The following MYO9A variants were observed in gnomAD, a reference collection of about 807,000 sequenced individuals.
MYO9A encodes the protein unconventional myosin-IXa.
MYO9A carries 103 observed loss-of-function variants against 293.3 expected under a neutral mutation model. That is an observed-to-expected ratio of 0.35 (90% CI 0.30 to 0.41). The LOEUF (loss-of-function observed/expected upper bound fraction) is 0.41. Among genes scored for constraint, MYO9A ranks in the 10% least tolerant of loss-of-function variants. The probability of loss-of-function intolerance (pLI) is 1.00; values close to 1 mark genes in which losing one functional copy is unlikely to be tolerated. For synonymous variants in MYO9A, 1,001 were observed against 1,035.7 expected, an observed-to-expected ratio of 0.97 and a Z score of 0.64; for missense variants, 2,685 against 3,033.0, an observed-to-expected ratio of 0.89 and a Z score of 2.69.
intron 1 of MYO9A, among the ~76,000 whole-genome samples, chr15:72,096,816 T>C (rs1488807295): frequency 6.6e-6 from 1 of 152,228 alleles, no homozygotes; most frequent in Non-Finnish European, 1.5e-5. Flanking sequence ...TGGAAGAGGT[T>C]GTTCCCAAGC....
intron 6 of MYO9A, among the ~76,000 whole-genome samples, chr15:72,017,363 T>A (rs968420328): frequency 6.6e-5 from 10 of 152,260 alleles, no homozygotes; most frequent in African/African-American, 2.4e-4. Flanking sequence ...AGCAGATCAG[T>A]TCACAACTTC....
intron 3 of MYO9A, among the ~76,000 whole-genome samples, chr15:72,028,340 C>A: frequency 6.7e-6 from 1 of 149,092 alleles, no homozygotes. Context: ...TTCACTAAAG[C>A]AAAATAAAAT....
intron 2 of MYO9A, among the ~76,000 whole-genome samples, chr15:72,038,398 T>G (rs2078123408): frequency 1.3e-5 from 2 of 152,212 alleles, no homozygotes; most frequent in Admixed American, 6.5e-5. Context: ...GACCATGTTC[T>G]GGGCCACAAG....
In MYO9A at chr15:72,008,849, A is replaced by T. The variant is rs559562570; in HGVS notation, c.1254-897T>A. Among the ~76,000 whole-genome samples, 11 of 152,302 alleles carry T rather than the reference A, an allele frequency of 7.2e-5. No individual in the cohort carries two copies. The South Asian group carries it at 1.7e-3, about 23-fold the overall frequency. On this transcript the variant is annotated intron_variant, in intron 7 of 41. Coordinates refer to ENST00000356056, the MANE Select transcript of MYO9A (RefSeq NM_006901.4). ...TGTCACATGCAGTTATTTTCTTAGA[A>T]TAAATACGGCTTACAAAATTTGGCT...
intron 1 of MYO9A, among the ~76,000 whole-genome samples, chr15:72,058,140 A>C (rs999747263): frequency 2.0e-5 from 3 of 152,238 alleles, no homozygotes; most frequent in African/African-American, 7.2e-5. Context: ...GTACCCCCTG[A>C]CATTCAAATT....
chr15:71,916,362 G>A lies in MYO9A; in HGVS notation c.2685+8C>T. 6.2e-7 allele frequency: 1 copy of A among 1,604,904 alleles called. No individual in the cohort carries two copies. Among genetic ancestry groups the A allele is most frequent in the Non-Finnish European group, 8.5e-7 (1 of 1,177,696 alleles). On this transcript the variant is annotated splice_region_variant and intron_variant, in intron 19 of 41. Transcript: ENST00000356056. The stretch of plus-strand genomic sequence containing the variant: ...TTCTTATTTGTTTTAAGCGAAACAA[G>A]AAATAACCTGAAACTGGGCACTGAT...
chr15:71,991,292 A>G, intron 10 of MYO9A, 55 bp from the exon 11 acceptor site: 1 of 1,401,592 alleles, frequency 7.1e-7, no homozygotes, highest in Non-Finnish European at 9.8e-7. Context: ...TATTTAATGA[A>G]TAATATCCAC....
chr15:71,848,946 C>T lies in MYO9A; in HGVS notation c.6736G>A (p.Glu2246Lys), dbSNP rs2055509064. 1 of 1,604,062 alleles carries T rather than the reference C, an allele frequency of 6.2e-7. No homozygotes were observed. The highest frequency in any genetic ancestry group is 1.1e-5 in the South Asian group (1 of 88,600). ...CGAGCCTTGTATTTATTCATTTGTTCCACAACAATCAGTTCCACACAACTG... is the reference window on the plus strand; with the variant it reads ...CGAGCCTTGTATTTATTCATTTGTTTCACAACAATCAGTTCCACACAACTG... ...TTTCVELIVV[E>K]QMNKYKARLK... Residue 2246 changes from glutamate to lysine, a missense_variant, in exon 39 of 42, where the codon GAA becomes AAA. Glu to Lys is a moderately conservative substitution (Grantham distance 56, BLOSUM62 1). This residue lies in a region of MYO9A where 238 missense variants were observed against 269.1 expected (regional missense o/e 0.88). Transcript: ENST00000356056.
At chr15:72,013,507 C>T (rs763095929) in intron 6 of MYO9A, among the ~76,000 whole-genome samples, 2 of 152,202 alleles carry the variant, frequency 1.3e-5, no homozygotes, top group Non-Finnish European at 2.9e-5. Flanking sequence ...CAACCCCTTC[C>T]ACTGAAAGAA....
intron 32 of MYO9A, among the ~76,000 whole-genome samples, chr15:71,866,105 G>C (rs763566174): frequency 2.6e-5 from 4 of 152,114 alleles, no homozygotes; most frequent in Non-Finnish European, 5.9e-5. Context: ...TCACGTTGAT[G>C]GCAGTTTTAC....
At chr15:72,107,119 AGAAG>A (rs1384264595) in intron 1 of MYO9A, among the ~76,000 whole-genome samples, 1 of 152,226 alleles carries the variant, frequency 6.6e-6, no homozygotes. Flanking sequence ...TAGGGAGAAG[AGAAG>A]GAAGAAACCC....
At chr15:72,078,957 C>T (rs987733672) in intron 1 of MYO9A, among the ~76,000 whole-genome samples, 1 of 152,090 alleles carries the variant, frequency 6.6e-6, no homozygotes, top group African/African-American at 2.4e-5. Flanking sequence ...GGTTGAAAAG[C>T]GTTGTGGGAG....
intron 39 of MYO9A, among the ~76,000 whole-genome samples, chr15:71,843,117 A>C (rs2055235217): frequency 6.6e-6 from 1 of 151,984 alleles, no homozygotes; most frequent in African/African-American, 2.4e-5. Flanking sequence ...CAACTCTCCT[A>C]TCTCTTCTTC....
At chr15:72,100,149 G>A (rs931281564) in intron 1 of MYO9A, among the ~76,000 whole-genome samples, 2 of 152,010 alleles carry the variant, frequency 1.3e-5, no homozygotes, top group East Asian at 1.9e-4. Context: ...TTGGGGTGCC[G>A]AGGCGGGCGG....
chr15:71,956,458 G>A (rs2059195718), intron 14 of MYO9A, among the ~76,000 whole-genome samples: 1 of 146,280 alleles, frequency 6.8e-6, no homozygotes, highest in Non-Finnish European at 1.5e-5. Flanking sequence ...GGCCAACATA[G>A]TGAAACCTCG....
chr15:71,997,327 C>T (rs953935285), intron 9 of MYO9A, among the ~76,000 whole-genome samples: 12 of 152,084 alleles, frequency 7.9e-5, no homozygotes, highest in African/African-American at 2.7e-4. Context: ...AACAGCCGGG[C>T]GTGGTGGCTC....
intron 15 of MYO9A, among the ~76,000 whole-genome samples, chr15:71,942,499 A>AT (rs896559998): frequency 1.3e-4 from 19 of 151,992 alleles, no homozygotes; most frequent in Admixed American, 1.1e-3. Flanking sequence ...TACATCTGGA[A>AT]TTTTTTTCTG....
chr15:72,015,881 G>T (rs965675350), intron 6 of MYO9A, among the ~76,000 whole-genome samples: 1 of 151,692 alleles, frequency 6.6e-6, no homozygotes, highest in African/African-American at 2.4e-5. Context: ...GTAGAGACGG[G>T]GTTTCACCGT....
In MYO9A at chr15:71,875,814, TTTTC is replaced by T. The variant is rs1490650994; in HGVS notation, c.5952_5955del (p.Lys1985GlufsTer34). ...ACCAAATCAGTTTCCTTTTTCCTTC[TTTTC>T]TTTCTTTCTGTTTTTGGCACCTGAC... is the stretch of plus-strand genomic sequence containing the variant. On this transcript the variant is annotated frameshift_variant, in exon 32 of 42. Transcript: ENST00000356056. LOFTEE classifies it high-confidence loss of function. The T allele has an allele frequency of 4.4e-6, 6 of 1,369,548 alleles. No individual in the cohort carries two copies. Among genetic ancestry groups the T allele is most frequent in the South Asian group, 2.0e-5 (1 of 50,360 alleles). The allele number at this position is 1,369,548 out of a possible 1,614,324, so 84.8% of individuals were successfully genotyped here. A position where few individuals can be genotyped will look rare whatever the true frequency, so the allele number is the denominator to read the frequency against.
Sources: gnomAD v4.1 joint callset for allele counts (sites outside exome capture counted in the v4.1 genomes callset) on GRCh38, gnomAD v4.1.1 for gene constraint, gnomAD v4.1.1 regional missense constraint, MANE v1.5 for transcripts, NCBI Gene and HGNC (gene_info 2026-07-23, HGNC 2026-07-21) for gene names.